Variants in SORCS1 observed in about 807,000 individuals in gnomAD.
SORCS1 encodes VPS10 domain-containing receptor SorCS1.
SORCS1 carries 60 observed loss-of-function variants against 146.1 expected under a neutral mutation model. That is an observed-to-expected ratio of 0.41 (90% CI 0.33 to 0.51). The LOEUF (loss-of-function observed/expected upper bound fraction) is 0.51, where lower values mean the gene tolerates loss of function less well. Ranked by LOEUF, SORCS1 falls within the 20% of genes least tolerant of loss-of-function variation. The pLI is 0.21. For synonymous variants in SORCS1, 637 were observed against 584.0 expected, an observed-to-expected ratio of 1.09 and a Z score of -1.31; for missense variants, 1,352 against 1,487.6, an observed-to-expected ratio of 0.91 and a Z score of 1.50.
intron 24 of SORCS1, among the ~76,000 whole-genome samples, chr10:106,589,884 C>A (rs187503052): frequency 8.0e-6 from 1 of 124,444 alleles, no homozygotes; most frequent in Admixed American, 7.6e-5. Context: ...ATCCTTCTAG[C>A]AGCCTTTTTT....
At chr10:106,978,349 C>A (rs1956120486) in intron 1 of SORCS1, among the ~76,000 whole-genome samples, 1 of 152,030 alleles carries the variant, frequency 6.6e-6, no homozygotes, top group Non-Finnish European at 1.5e-5. Context: ...TAATTCCAGA[C>A]TAAGAAATCC....
chr10:106,806,488 C>T (rs1947184472), intron 3 of SORCS1, among the ~76,000 whole-genome samples: 1 of 144,006 alleles, frequency 6.9e-6, no homozygotes, highest in African/African-American at 2.6e-5. Context: ...TACAGCCCTT[C>T]TGATGAGAGA....
At chr10:107,027,089 T>TAC (rs1460255179) in intron 1 of SORCS1, among the ~76,000 whole-genome samples, 1 of 141,742 alleles carries the variant, frequency 7.1e-6, no homozygotes, top group Non-Finnish European at 1.5e-5. Context: ...TACATATATA[T>TAC]ACATATATAT....
intron 1 of SORCS1, among the ~76,000 whole-genome samples, chr10:106,973,408 A>G (rs2139243295): frequency 6.6e-6 from 1 of 152,352 alleles, no homozygotes; most frequent in Non-Finnish European, 1.5e-5. Context: ...TGTCTGCTCC[A>G]GAAAATGCAA....
intron 17 of SORCS1, among the ~76,000 whole-genome samples, chr10:106,661,801 C>A (rs942355153): frequency 2.0e-5 from 3 of 152,214 alleles, no homozygotes; most frequent in African/African-American, 7.2e-5. Flanking sequence ...TTTCACCGAA[C>A]AAAACATCCC....
intron 17 of SORCS1, 29 bp from the exon 18 acceptor site, chr10:106,652,582 C>T (rs1248891392): frequency 3.1e-6 from 5 of 1,606,496 alleles, no homozygotes; most frequent in Admixed American, 1.7e-5. Flanking sequence ...AAGTCGTAAA[C>T]CAGCTCATTA....
intron 8 of SORCS1, among the ~76,000 whole-genome samples, chr10:106,704,818 A>T (rs78735150): frequency 0.017 from 2,588 of 152,330 alleles, 24 homozygotes; most frequent in Non-Finnish European, 0.027. Flanking sequence ...CATTACATTG[A>T]GGATAATTCT....
chr10:106,653,721 A>C (rs1850061614), intron 17 of SORCS1, among the ~76,000 whole-genome samples: 1 of 152,232 alleles, frequency 6.6e-6, no homozygotes, highest in South Asian at 2.1e-4. Context: ...ACTATAGATC[A>C]CTACAATGTC....
intron 2 of SORCS1, among the ~76,000 whole-genome samples, chr10:106,875,340 C>T (rs941294641): frequency 3.3e-5 from 5 of 152,156 alleles, no homozygotes; most frequent in African/African-American, 4.8e-5. Context: ...ATATATACCA[C>T]GTTTTCTTTA....
intron 20 of SORCS1, among the ~76,000 whole-genome samples, chr10:106,619,751 C>T (rs1847613356): frequency 6.6e-6 from 1 of 152,164 alleles, no homozygotes; most frequent in African/African-American, 2.4e-5. Context: ...ACCACCCTCA[C>T]TTTTCTCATG....
In SORCS1 at chr10:106,695,671, C is replaced by T. The variant is rs569885458; in HGVS notation, c.1413+3543G>A. 2.6e-5 allele frequency among the ~76,000 whole-genome samples: 4 copies of T among 151,858 alleles called. No homozygotes were observed. In the South Asian group the frequency reaches 8.4e-4, roughly 32 times the overall value. On this transcript the variant is annotated intron_variant, in intron 9 of 25. Coordinates refer to ENST00000263054, the MANE Select transcript of SORCS1 (RefSeq NM_052918.5). The stretch of plus-strand genomic sequence containing the variant: ...TTACACCATGCCTGGCATAAAGTGG[C>T]CCAAAATATTAGCCATTATTAATGA...
intron 24 of SORCS1, among the ~76,000 whole-genome samples, chr10:106,588,637 A>G (rs778489010): frequency 5.9e-5 from 9 of 151,846 alleles, no homozygotes; most frequent in South Asian, 4.2e-4. Flanking sequence ...CAAGGTGGGC[A>G]GATCACGAGG....
intron 2 of SORCS1, among the ~76,000 whole-genome samples, chr10:106,848,160 G>T (rs368764947): frequency 0.04 from 3,505 of 87,790 alleles, 113 homozygotes; most frequent in South Asian, 0.15. Flanking sequence ...CTGTCTCGTT[G>T]ATCTGTCTAA....
chr10:106,733,697 G>A (rs1188410748), intron 5 of SORCS1, among the ~76,000 whole-genome samples: 1 of 152,142 alleles, frequency 6.6e-6, no homozygotes, highest in Non-Finnish European at 1.5e-5. Context: ...CATCAACATA[G>A]AATTTAATAC....
intron 2 of SORCS1, among the ~76,000 whole-genome samples, chr10:106,949,598 G>A (rs1383046404): frequency 6.6e-6 from 1 of 152,218 alleles, no homozygotes; most frequent in Non-Finnish European, 1.5e-5. Flanking sequence ...TGTGTCTCCT[G>A]AGAAAATGGG....
chr10:107,141,149 A>C (rs1967805586), intron 1 of SORCS1, among the ~76,000 whole-genome samples: 1 of 152,198 alleles, frequency 6.6e-6, no homozygotes, highest in South Asian at 2.1e-4. Context: ...CAGTTACCAA[A>C]ATCAGACTGG....
intron 1 of SORCS1, among the ~76,000 whole-genome samples, chr10:107,153,306 A>G (rs910594876): frequency 6.6e-6 from 1 of 152,094 alleles, no homozygotes; most frequent in African/African-American, 2.4e-5. Context: ...AATGTTGTAC[A>G]TTGGTGCTTA....
intron 1 of SORCS1, among the ~76,000 whole-genome samples, chr10:107,090,354 C>G (rs1368532207): frequency 6.6e-6 from 1 of 152,126 alleles, no homozygotes; most frequent in Non-Finnish European, 1.5e-5. Flanking sequence ...GTGGAGAAAT[C>G]AAATGTTTCC....
chr10:106,857,316 C>G lies in SORCS1; in HGVS notation c.627-27643G>C, dbSNP rs141553363. ...CCCAAAACCCCACAGACGGAAGATG[C>G]CTTATTTCAGAAACACAGAGCCATA... is the stretch of plus-strand genomic sequence containing the variant. On this transcript the variant is annotated intron_variant, in intron 2 of 25. Coordinates refer to ENST00000263054, the MANE Select transcript of SORCS1 (RefSeq NM_052918.5). Among the ~76,000 whole-genome samples the G allele has an allele frequency of 3.4e-3, 525 of 152,286 alleles. 6 individuals carry two copies. The highest frequency in any genetic ancestry group is 0.012 in the African/African-American group (513 of 41,568).
Sources: gnomAD v4.1 joint callset for allele counts (sites outside exome capture counted in the v4.1 genomes callset) on GRCh38, gnomAD v4.1.1 for gene constraint, MANE v1.5 for transcripts, NCBI Gene and HGNC (gene_info 2026-07-23, HGNC 2026-07-21) for gene names.